The following ORMDL3 variants were observed in gnomAD, a reference collection of about 807,000 sequenced individuals.
ORMDL3 encodes ORMDL sphingolipid biosynthesis regulator 3.
ORMDL3 carries 6 observed loss-of-function variants against 12.6 expected under a neutral mutation model. The observed-to-expected ratio is 0.48, with a 90% CI of 0.26 to 0.94. The LOEUF (loss-of-function observed/expected upper bound fraction) is 0.94, where lower values mean the gene tolerates loss of function less well. Among genes scored for constraint, ORMDL3 ranks in the 40% least tolerant of loss-of-function variants. The pLI, the probability that ORMDL3 is intolerant of heterozygous loss-of-function variation, is 0.14. For missense variants in ORMDL3, 159 were observed against 205.5 expected, an observed-to-expected ratio of 0.77 and a Z score of 1.38; for synonymous variants, 99 against 87.2, an observed-to-expected ratio of 1.14 and a Z score of -0.75.
intron 2 of ORMDL3, 106 bp from the exon 3 acceptor site, chr17:39,923,369 C>G (rs896930541): frequency 6.8e-6 from 9 of 1,323,856 alleles, no homozygotes; most frequent in Non-Finnish European, 9.6e-6. Flanking sequence ...CTGGAGCCTC[C>G]CTCTGCTGGG....
Position 39,922,607 on chromosome 17 carries a change from A to G in ORMDL3, c.405T>C (p.Leu135=). Reference sequence around the variant, plus strand: ...CGTGGAGCTGGGGCAGCTTGGGGATAAGCACGCTCATCAGGGACACGGTGT... The same window carrying G: ...CGTGGAGCTGGGGCAGCTTGGGGATGAGCACGCTCATCAGGGACACGGTGT... ...VLNTVSLMSV[L]IPKLPQLHGV... The change falls in exon 4 of 4, where the codon CTT becomes CTC. Residue 135 remains leucine, a synonymous_variant. Transcript: ENST00000304046. 3 of 1,614,090 alleles carry G rather than the reference A, an allele frequency of 1.9e-6. No individual in the cohort carries two copies. The highest frequency in any genetic ancestry group is 2.5e-6 in the Non-Finnish European group (3 of 1,180,020).
Position 39,922,655 on chromosome 17 carries a change from G to A in ORMDL3, c.357C>T (p.Tyr119=), listed in dbSNP as rs138326254. The change falls in exon 4 of 4, where the codon TAC becomes TAT. Residue 119 remains tyrosine, a synonymous_variant. Coordinates refer to ENST00000304046, the MANE Select transcript of ORMDL3 (RefSeq NM_139280.4). ...TGTTGAGCACAAAATGGATCTGGTCGTACTTAGTGTAGAAGCTGGTGAGGA... is the reference window on the plus strand; with the variant it reads ...TGTTGAGCACAAAATGGATCTGGTCATACTTAGTGTAGAAGCTGGTGAGGA... ...LYFLTSFYTK[Y]DQIHFVLNTV... 1.8e-4 allele frequency: 284 copies of A among 1,613,046 alleles called. No homozygotes were observed. The highest frequency in any genetic ancestry group is 3.1e-4 in the South Asian group (28 of 91,070).
Position 39,922,588 on chromosome 17 carries a change from G to C in ORMDL3, c.424C>G (p.Leu142Val). ...ATTCCAAAAATCCGGACTCCGTGGA[G>C]CTGGGGCAGCTTGGGGATAAGCACG... ...MSVLIPKLPQ[L>V]HGVRIFGINK... is the part of the protein sequence containing the mutation. The change falls in exon 4 of 4, where the codon CTC becomes GTC. Residue 142 changes from leucine (L) to valine (V), a missense_variant. Transcript: ENST00000304046. The C allele has an allele frequency of 6.2e-7, 1 of 1,614,184 alleles. No homozygotes were observed. Among genetic ancestry groups the C allele is most frequent in the Non-Finnish European group, 8.5e-7 (1 of 1,180,036 alleles).
At chr17:39,923,411 G>GT (rs1978314130) in intron 2 of ORMDL3, 148 bp from the exon 3 acceptor site, 3 of 876,534 alleles carry the variant, frequency 3.4e-6, no homozygotes, top group African/African-American at 1.7e-5. Flanking sequence ...TCAGGATGGA[G>GT]CAGCTGGGAG....
chr17:39,925,367 G>A (rs1457483740), intron 1 of ORMDL3: 2 of 152,336 alleles, frequency 1.3e-5, no homozygotes. Context: ...AGATCCCTGA[G>A]GGCCCTGTGA....
chr17:39,924,476 C>T (rs960696422), intron 1 of ORMDL3, among the ~76,000 whole-genome samples: 14 of 152,162 alleles, frequency 9.2e-5, no homozygotes, highest in Non-Finnish European at 5.9e-5. Context: ...GGCAGGGCAT[C>T]GGAGGACAGG....
At chr17:39,922,736 T>C (rs1318474069) in intron 3 of ORMDL3, 51 bp from the exon 4 acceptor site, 1 of 1,576,008 alleles carries the variant, frequency 6.3e-7, no homozygotes, top group African/African-American at 1.4e-5. Context: ...GGAGGACCCC[T>C]TCCTCCCTCA....
In ORMDL3 at chr17:39,922,581, C is replaced by T; in HGVS notation, c.431G>A (p.Gly144Glu). 1 of 1,614,168 alleles carries T rather than the reference C, an allele frequency of 6.2e-7. No individual in the cohort carries two copies. The highest frequency in any genetic ancestry group is 8.5e-7 in the Non-Finnish European group (1 of 1,180,012). Residue 144 changes from glycine to glutamate, a missense_variant, in exon 4 of 4, where the codon GGA (glycine) becomes GAA (glutamate). Gly to Glu is a moderately conservative substitution (Grantham distance 98). Transcript: ENST00000304046. ...CTTATTGATTCCAAAAATCCGGACT[C>T]CGTGGAGCTGGGGCAGCTTGGGGAT... ...VLIPKLPQLH[G>E]VRIFGINKY
chr17:39,924,562 T>C (rs1233084145), intron 1 of ORMDL3, among the ~76,000 whole-genome samples: 2 of 152,052 alleles, frequency 1.3e-5, no homozygotes, highest in African/African-American at 2.4e-5. Context: ...GGCACTCCCA[T>C]GAGGACCCTC....
intron 1 of ORMDL3, chr17:39,926,830 G>T (rs911170649): frequency 8.8e-5 from 87 of 985,776 alleles, no homozygotes; most frequent in Non-Finnish European, 1.0e-4. Flanking sequence ...CTGTCTTCTG[G>T]AAGAGGAGCA....
At chr17:39,923,953 C>T in intron 2 of ORMDL3, 77 bp downstream of exon 2, 1 of 1,422,202 alleles carries the variant, frequency 7.0e-7, no homozygotes, top group Non-Finnish European at 9.4e-7. Context: ...ACAGGCTCCT[C>T]CTATCCCTCA....
Position 39,927,566 on chromosome 17 carries a change from G to T in ORMDL3, c.-105C>A, listed in dbSNP as rs571399130. 5 of 985,584 alleles carry T rather than the reference G, an allele frequency of 5.1e-6. No homozygotes were observed. In the South Asian group the frequency reaches 1.4e-4, roughly 28 times the overall value. The allele number at this position is 985,584 out of a possible 1,614,324, so 61.1% of individuals were successfully genotyped here. On this transcript the variant is annotated 5_prime_UTR_variant, in exon 1 of 4. Coordinates refer to ENST00000304046, the MANE Select transcript of ORMDL3 (RefSeq NM_139280.4). The stretch of plus-strand genomic sequence containing the variant: ...TGCTCCAGCAGCTGTAACAACCCGC[G>T]GCTGCAGCCTCCCCGCTGGCAGCTC...
Position 39,922,399 on chromosome 17 carries a change from TG to T in ORMDL3, c.*150del. On this transcript the variant is annotated 3_prime_UTR_variant, in exon 4 of 4. Transcript: ENST00000304046. ...CTACAAGCTACTCCAAGTTGGCTAC[TG>T]GGGGAAGCGAGGGGGGAAATTAGGC... The T allele has an allele frequency of 2.0e-6, 2 of 976,252 alleles. No homozygotes were observed. The highest frequency in any genetic ancestry group is 3.0e-6 in the Non-Finnish European group (2 of 669,470). 60.5% of individuals were successfully genotyped at this position (976,252 alleles called of 1,614,324 possible).
At chr17:39,927,047 C>T in intron 1 of ORMDL3, 1 of 969,718 alleles carries the variant, frequency 1.0e-6, no homozygotes, top group Non-Finnish European at 1.2e-6. Flanking sequence ...AGAGGAGGAG[C>T]GAAGAGGCGG....
intron 2 of ORMDL3, 129 bp from the exon 3 acceptor site, chr17:39,923,392 G>GAGCCTCCCTCT (rs1978312905): frequency 9.3e-7 from 1 of 1,071,508 alleles, no homozygotes. Flanking sequence ...GGGGGATATG[G>GAGCCTCCCTCT]GCTGGAGGTC....
Position 39,924,111 on chromosome 17 carries a change from A to C in ORMDL3, c.93T>G (p.Gly31=). 1 of 1,614,022 alleles carries C rather than the reference A, an allele frequency of 6.2e-7. No individual in the cohort carries two copies. Among genetic ancestry groups the C allele is most frequent in the East Asian group, 2.2e-5 (1 of 44,872 alleles). ...TGCTCAGCAGCACGATGTGGAGGAG[A>C]CCGATGGCCAGCACGTAGGAGAGCC... ...GIWLSYVLAI[G]LLHIVLLSIP... The change falls in exon 2 of 4, where the codon GGT becomes GGG. Residue 31 remains glycine (G), a synonymous_variant. Transcript: ENST00000304046.
chr17:39,924,220 G>A lies in ORMDL3; in HGVS notation c.-17C>T. 6.3e-7 allele frequency: 1 copy of A among 1,589,662 alleles called. No individual in the cohort carries two copies. The highest frequency in any genetic ancestry group is 8.6e-7 in the Non-Finnish European group (1 of 1,166,838). The stretch of plus-strand genomic sequence containing the variant: ...CACATTCATCCTGCTGCCCCTCTCT[G>A]CTGTTCTGCAAACAAGCAGCACAGG... On this transcript the variant is annotated 5_prime_UTR_variant, in exon 2 of 4. Coordinates refer to ENST00000304046, the MANE Select transcript of ORMDL3 (RefSeq NM_139280.4).
intron 2 of ORMDL3, 144 bp from the exon 3 acceptor site, chr17:39,923,407 T>C (rs959178047): frequency 3.3e-6 from 3 of 913,604 alleles, no homozygotes; most frequent in Non-Finnish European, 5.0e-6. Context: ...GAGGTCAGGA[T>C]GGAGCAGCTG....
intron 2 of ORMDL3, among the ~76,000 whole-genome samples, chr17:39,923,828 A>C (rs1232282924): frequency 6.6e-6 from 1 of 152,054 alleles, no homozygotes; most frequent in Non-Finnish European, 1.5e-5. Context: ...GATTCCTGTC[A>C]TGGTACACAG....
Sources: allele counts gnomAD v4.1 joint callset (sites outside exome capture counted in the v4.1 genomes callset), GRCh38; gene constraint gnomAD v4.1.1; transcripts MANE v1.5; gene names NCBI Gene and HGNC (gene_info 2026-07-23, HGNC 2026-07-21).